Variants in ZC3H13 observed in about 807,000 individuals in gnomAD.
The protein encoded by ZC3H13 is zinc finger CCCH domain-containing protein 13.
Under a neutral mutation model 204.1 loss-of-function variants are expected in ZC3H13, and 64 were observed. The observed-to-expected ratio is 0.31, with a 90% CI of 0.26 to 0.39. The LOEUF is 0.39. Ranked by LOEUF, ZC3H13 falls within the 10% of genes least tolerant of loss-of-function variation. ZC3H13 has a pLI of 1.00. For synonymous variants in ZC3H13, 667 were observed against 693.7 expected, an observed-to-expected ratio of 0.96 and a Z score of 0.60; for missense variants, 1,833 against 2,082.7, an observed-to-expected ratio of 0.88 and a Z score of 2.33.
intron 8 of ZC3H13, among the ~76,000 whole-genome samples, chr13:45,994,210 T>C (rs761477214): frequency 1.3e-5 from 2 of 152,370 alleles, no homozygotes; most frequent in South Asian, 2.1e-4. Context: ...GTAATAACAA[T>C]ACAGTATATA....
rs1555277661 is a variant in ZC3H13, at chr13:45,983,413, ATTTTTTTTT to A, written c.1720+1875_1720+1883del. Among the ~76,000 whole-genome samples, 15 of 31,132 alleles carry A rather than the reference ATTTTTTTTT, an allele frequency of 4.8e-4. No individual in the cohort carries two copies. In the Admixed American group the frequency reaches 5.9e-3, roughly 12 times the overall value. The allele number at this position is 31,132 out of a possible 152,430, so 20.4% of individuals were successfully genotyped here. A position where few individuals can be genotyped will look rare whatever the true frequency, so the allele number is the denominator to read the frequency against. On this transcript the variant is annotated intron_variant, in intron 10 of 18. Transcript: ENST00000679008. Reference sequence around the variant, plus strand: ...AAGCCCCTTCTACTTATATATATATATTTTTTTTTTTTTTTTTTTTTTTTTTTTTTTGAG... The same window carrying A: ...AAGCCCCTTCTACTTATATATATATATTTTTTTTTTTTTTTTTTTTTTGAG...
At chr13:46,045,704 C>T (rs563873774) in intron 1 of ZC3H13, among the ~76,000 whole-genome samples, 188 bp from the exon 2 acceptor site, 1 of 151,702 alleles carries the variant, frequency 6.6e-6, no homozygotes, top group Non-Finnish European at 1.5e-5. Flanking sequence ...CTAAAACATG[C>T]CTTACTGGTG....
intron 17 of ZC3H13, chr13:45,962,204 T>G: frequency 1.0e-6 from 1 of 985,428 alleles, no homozygotes; most frequent in Non-Finnish European, 1.2e-6. Flanking sequence ...AAAGTCTTTA[T>G]TCAAGATAAT....
At chr13:45,976,040 C>T (rs1356560016) in intron 11 of ZC3H13, 3 of 824,904 alleles carry the variant, frequency 3.6e-6, no homozygotes, top group Non-Finnish European at 4.4e-6. Flanking sequence ...TTTTTATTTG[C>T]CCTCTAACGA....
Position 46,052,676 on chromosome 13 carries a change from G to C in ZC3H13, c.-282C>G. ...AAATAACGAAGAGATTGTAGATTAA[G>C]AAAAGGCAACAAAAACACTACCAGG... On this transcript the variant is annotated 5_prime_UTR_variant, in exon 1 of 19. Coordinates refer to ENST00000679008, the MANE Select transcript of ZC3H13 (RefSeq NM_001330564.2). 5.0e-6 allele frequency: 2 copies of C among 398,856 alleles called. No individual in the cohort carries two copies. Among genetic ancestry groups the C allele is most frequent in the Non-Finnish European group, 4.4e-6 (1 of 226,270 alleles). The allele number at this position is 398,856 out of a possible 1,614,324, so 24.7% of individuals were successfully genotyped here. A position where few individuals can be genotyped will look rare whatever the true frequency, so the allele number is the denominator to read the frequency against.
intron 8 of ZC3H13, among the ~76,000 whole-genome samples, chr13:45,994,316 G>A (rs528034750): frequency 3.3e-5 from 5 of 152,214 alleles, no homozygotes; most frequent in Non-Finnish European, 5.9e-5. Context: ...AGTTTGGGGG[G>A]AGTCAAAAGT....
intron 4 of ZC3H13, among the ~76,000 whole-genome samples, chr13:46,026,353 A>G (rs2042543910): frequency 6.6e-6 from 1 of 152,098 alleles, no homozygotes; most frequent in African/African-American, 2.4e-5. Flanking sequence ...TAGGATATGG[A>G]GTAAAAGAGA....
Position 45,969,359 on chromosome 13 carries a change from G to C in ZC3H13, c.3185C>G (p.Thr1062Arg), listed in dbSNP as rs1246060658. The C allele has an allele frequency of 3.7e-6, 6 of 1,613,902 alleles. No homozygotes were observed. Among genetic ancestry groups the C allele is most frequent in the Non-Finnish European group, 5.1e-6 (6 of 1,180,022 alleles). Residue 1062 changes from threonine to arginine, a missense_variant, in exon 14 of 19, where the codon ACA (threonine) becomes AGA (arginine). By Grantham distance (71) the Thr-to-Arg change is moderately conservative. Coordinates refer to ENST00000679008, the MANE Select transcript of ZC3H13 (RefSeq NM_001330564.2). ...ILEDSQKKED[T>R]AFSDWSDEDV... is the part of the protein sequence containing the mutation. ...CTCATCAGACCAGTCACTGAATGCT[G>C]TATCTTCTTTTTTCTGGGAGTCCTC...
chr13:45,963,254 T>TA (rs1197532860), intron 17 of ZC3H13: 9 of 985,638 alleles, frequency 9.1e-6, no homozygotes, highest in Non-Finnish European at 9.6e-6. Context: ...ATCACTTTGT[T>TA]AAAGACTCAA....
At chr13:46,001,850 G>A (rs1432953787) in intron 8 of ZC3H13, among the ~76,000 whole-genome samples, 2 of 151,554 alleles carry the variant, frequency 1.3e-5, no homozygotes, top group Admixed American at 6.6e-5. Flanking sequence ...CTGCTGGACT[G>A]AGTAAAATAT....
intron 4 of ZC3H13, among the ~76,000 whole-genome samples, chr13:46,028,707 T>C (rs1046806311): frequency 3.9e-5 from 6 of 152,044 alleles, no homozygotes; most frequent in Admixed American, 3.3e-4. Flanking sequence ...AATAAACATA[T>C]TGGTCAAAGA....
intron 4 of ZC3H13, among the ~76,000 whole-genome samples, chr13:46,035,254 G>T (rs553070983): frequency 3.3e-4 from 50 of 152,296 alleles, no homozygotes; most frequent in African/African-American, 1.2e-3. Flanking sequence ...AAACCTTCAA[G>T]TGATTCCAGC....
chr13:46,042,289 C>T lies in ZC3H13; in HGVS notation c.228-14G>A. The T allele has an allele frequency of 6.3e-7, 1 of 1,588,006 alleles. No individual in the cohort carries two copies. The highest frequency in any genetic ancestry group is 8.6e-7 in the Non-Finnish European group (1 of 1,164,542). On this transcript the variant is annotated splice_polypyrimidine_tract_variant and intron_variant, in intron 3 of 18. Coordinates refer to ENST00000679008, the MANE Select transcript of ZC3H13 (RefSeq NM_001330564.2). ...CTTTCTGGTGACCTTTGAACCAAAA[C>T]ACAGAAACAAAACAAAAAACGAAAC...
At chr13:46,005,912 T>C (rs1286422346) in intron 7 of ZC3H13, among the ~76,000 whole-genome samples, 1 of 151,830 alleles carries the variant, frequency 6.6e-6, no homozygotes, top group East Asian at 1.9e-4. Flanking sequence ...ATGACCAACA[T>C]GGTGAAACCC....
chr13:46,024,540 T>G (rs929229708), intron 4 of ZC3H13, among the ~76,000 whole-genome samples: 2 of 152,170 alleles, frequency 1.3e-5, no homozygotes, highest in Non-Finnish European at 2.9e-5. Context: ...CTGTTGCTTC[T>G]TTGCATGGGG....
chr13:46,049,901 A>G (rs2044278701), intron 1 of ZC3H13, among the ~76,000 whole-genome samples: 1 of 152,080 alleles, frequency 6.6e-6, no homozygotes, highest in South Asian at 2.1e-4. Context: ...TTACTAATTT[A>G]CTCTTCTATG....
rs753928418 is a variant in ZC3H13 at position 45,970,415 on chromosome 13, C to T, written c.2519G>A (p.Arg840His). 34 of 1,613,814 alleles carry T rather than the reference C, an allele frequency of 2.1e-5. No individual in the cohort carries two copies. The highest frequency in any genetic ancestry group is 6.7e-5 in the Admixed American group (4 of 59,996). ...ACTGTCCGGAGAATGTTCACGCCGG[C>T]GCTTCGGGGACTGTCTAGGGCTGGG... ...GSPSPRQSPK[R>H]RREHSPDSDA... is the part of the protein sequence containing the mutation. Residue 840 changes from arginine to histidine, a missense_variant, in exon 13 of 19, where the codon CGC becomes CAC. By Grantham distance (29) the Arg-to-His change is conservative. Around this residue, in one of 5 missense-constraint regions of ZC3H13, gnomAD observed 1,574 missense variants for 1,757.2 expected, o/e 0.90. Transcript: ENST00000679008.
At chr13:45,968,441 T>G (rs4941537) in intron 14 of ZC3H13, among the ~76,000 whole-genome samples, 66,379 of 151,960 alleles carry the variant, frequency 0.44, 14,935 homozygotes, top group East Asian at 0.54. Flanking sequence ...GCATGAAGAA[T>G]AGCAGGAAGG....
At chr13:45,962,395 A>G in intron 17 of ZC3H13, 2 of 985,428 alleles carry the variant, frequency 2.0e-6, no homozygotes, top group Non-Finnish European at 2.4e-6. Flanking sequence ...TTGAAATGCT[A>G]CTAGCAAAAG....
Sources: allele counts gnomAD v4.1 joint callset (sites outside exome capture counted in the v4.1 genomes callset), GRCh38; gene constraint gnomAD v4.1.1; regional missense constraint gnomAD v4.1.1; transcripts MANE v1.5; gene names NCBI Gene and HGNC (gene_info 2026-07-23, HGNC 2026-07-21).